Variants in SSBP2 observed in about 807,000 individuals in gnomAD.
SSBP2 encodes single stranded DNA binding protein 2.
SSBP2 carries 17 observed loss-of-function variants against 61.8 expected under a neutral mutation model. That is an observed-to-expected ratio of 0.28 (90% CI 0.19 to 0.41). The LOEUF is 0.41. SSBP2 is among the 10% of genes least tolerant of loss of function. The probability of loss-of-function intolerance (pLI) is 1.00; values close to 1 mark genes in which losing one functional copy is unlikely to be tolerated. For missense variants in SSBP2, 310 were observed against 458.7 expected (o/e 0.68, Z 2.96); for synonymous variants, 139 against 141.3 (o/e 0.98, Z 0.12).
chr5:81,536,325 C>T (rs1770797095), intron 4 of SSBP2, among the ~76,000 whole-genome samples: 1 of 151,986 alleles, frequency 6.6e-6, no homozygotes, highest in South Asian at 2.1e-4. Context: ...CTTTTTTTAA[C>T]TTTTATTTTA....
At chr5:81,482,370 A>C (rs150889522) in intron 6 of SSBP2, among the ~76,000 whole-genome samples, 2 of 152,304 alleles carry the variant, frequency 1.3e-5, no homozygotes, top group African/African-American at 2.4e-5. Flanking sequence ...GCTCTAAAGG[A>C]AGGCATTGAC....
chr5:81,683,861 A>G (rs1047199544), intron 1 of SSBP2, among the ~76,000 whole-genome samples: 1 of 152,246 alleles, frequency 6.6e-6, no homozygotes, highest in East Asian at 1.9e-4. Flanking sequence ...AAGATGCTCA[A>G]TATCATACAT....
chr5:81,663,723 T>A (rs1418537355), intron 1 of SSBP2, among the ~76,000 whole-genome samples: 1 of 152,166 alleles, frequency 6.6e-6, no homozygotes, highest in Admixed American at 6.5e-5. Flanking sequence ...TCTACTTAGG[T>A]CTGTCTATTA....
chr5:81,604,875 C>T (rs1184808233), intron 4 of SSBP2, among the ~76,000 whole-genome samples: 1 of 151,838 alleles, frequency 6.6e-6, no homozygotes, highest in Non-Finnish European at 1.5e-5. Context: ...TTTAGAGGCA[C>T]TAAGGGATGA....
intron 1 of SSBP2, among the ~76,000 whole-genome samples, chr5:81,748,515 T>C (rs1757502957): frequency 6.6e-6 from 1 of 152,184 alleles, no homozygotes; most frequent in African/African-American, 2.4e-5. Context: ...ATTAAGTTTA[T>C]TCTATAAGAC....
At chr5:81,474,045 T>C (rs971775229) in intron 7 of SSBP2, among the ~76,000 whole-genome samples, 3 of 152,232 alleles carry the variant, frequency 2.0e-5, no homozygotes, top group Non-Finnish European at 4.4e-5. Flanking sequence ...CAATAGAGCA[T>C]TACATATCTG....
At chr5:81,751,140 CCCA>C (rs1254101070), upstream of SSBP2, 12 of 1,296,720 alleles carry the variant, frequency 9.3e-6, no homozygotes, top group Non-Finnish European at 1.3e-5. Context: ...CGCAGCCACC[CCCA>C]CTATTGGCCG....
chr5:81,676,586 A>G (rs1177880769), intron 1 of SSBP2, among the ~76,000 whole-genome samples: 5 of 152,110 alleles, frequency 3.3e-5, no homozygotes, highest in Admixed American at 2.6e-4. Flanking sequence ...TGCTGCCTAG[A>G]ATTTCCCCTC....
chr5:81,514,722 A>G (rs1221398602), intron 4 of SSBP2, among the ~76,000 whole-genome samples: 1 of 152,000 alleles, frequency 6.6e-6, no homozygotes, highest in Non-Finnish European at 1.5e-5. Flanking sequence ...ATATTCCATT[A>G]TAAGATGTAA....
At chr5:81,459,809 T>G (rs1324964055) in intron 10 of SSBP2, among the ~76,000 whole-genome samples, 1 of 152,186 alleles carries the variant, frequency 6.6e-6, no homozygotes, top group Non-Finnish European at 1.5e-5. Context: ...TAAACTCTTG[T>G]AAAGCATGTA....
At chr5:81,422,215 GA>G (rs1375202866) in intron 16 of SSBP2, among the ~76,000 whole-genome samples, 3 of 152,244 alleles carry the variant, frequency 2.0e-5, no homozygotes, top group Admixed American at 1.3e-4. Context: ...GAACTTTTCA[GA>G]AAGTTGGCAG....
At chr5:81,628,382 C>T (rs570875319) in intron 3 of SSBP2, among the ~76,000 whole-genome samples, 1 of 152,254 alleles carries the variant, frequency 6.6e-6, no homozygotes, top group Non-Finnish European at 1.5e-5. Context: ...ATTATGGGAA[C>T]TACAATTCAA....
chr5:81,567,400 G>A (rs986312514), intron 4 of SSBP2, among the ~76,000 whole-genome samples: 17 of 152,318 alleles, frequency 1.1e-4, no homozygotes, highest in African/African-American at 3.6e-4. Flanking sequence ...TTGAGCCTGC[G>A]GGTGCACAGA....
Position 81,501,268 on chromosome 5 carries a change from T to TACATAC in SSBP2, c.373-11960_373-11959insGTATGT, listed in dbSNP as rs1767730168. Among the ~76,000 whole-genome samples, 17 of 35,778 alleles carry TACATAC rather than the reference T, an allele frequency of 4.8e-4. 1 individual carries two copies. Among genetic ancestry groups the TACATAC allele is most frequent in the Non-Finnish European group, 6.7e-4 (13 of 19,274 alleles). 23.5% of individuals were successfully genotyped at this position (35,778 alleles called of 152,430 possible). On this transcript the variant is annotated intron_variant, in intron 5 of 16. Coordinates refer to ENST00000320672, the MANE Select transcript of SSBP2 (RefSeq NM_012446.5). ...ATATATATATATATATATATATATA[T>TACATAC]ACACACACACACACATGCACATACA...
intron 4 of SSBP2, among the ~76,000 whole-genome samples, chr5:81,555,572 A>G (rs952942651): frequency 6.6e-6 from 1 of 152,038 alleles, no homozygotes; most frequent in African/African-American, 2.4e-5. Context: ...TTCACATTCT[A>G]ATTAGCTTGG....
chr5:81,663,440 C>T, intron 1 of SSBP2, among the ~76,000 whole-genome samples: 1 of 150,670 alleles, frequency 6.6e-6, no homozygotes, highest in East Asian at 1.9e-4. Flanking sequence ...GATTTTTTAA[C>T]TTTGTGAACA....
intron 8 of SSBP2, among the ~76,000 whole-genome samples, chr5:81,473,485 C>T (rs1347207153): frequency 1.3e-5 from 2 of 152,072 alleles, no homozygotes; most frequent in Admixed American, 6.6e-5. Context: ...GAAGAACACA[C>T]GGTGTTTGGT....
At chr5:81,623,645 C>T (rs1386553926) in intron 3 of SSBP2, among the ~76,000 whole-genome samples, 1 of 151,968 alleles carries the variant, frequency 6.6e-6, no homozygotes, top group Non-Finnish European at 1.5e-5. Context: ...CATTGTAGTA[C>T]TTTTAAAAGA....
At chr5:81,715,270 T>C (rs1755100649) in intron 1 of SSBP2, among the ~76,000 whole-genome samples, 1 of 152,116 alleles carries the variant, frequency 6.6e-6, no homozygotes, top group South Asian at 2.1e-4. Flanking sequence ...AGGTTGCTAC[T>C]TGAGAATGTG....
Sources: allele counts gnomAD v4.1 joint callset (sites outside exome capture counted in the v4.1 genomes callset), GRCh38; gene constraint gnomAD v4.1.1; transcripts MANE v1.5; gene names NCBI Gene and HGNC (gene_info 2026-07-23, HGNC 2026-07-21).